ADAM9: variants seen among roughly 807,000 people sequenced by gnomAD.
The protein encoded by ADAM9 is disintegrin and metalloproteinase domain-containing protein 9.
ADAM9 carries 54 observed loss-of-function variants against 108.1 expected under a neutral mutation model. The observed-to-expected ratio is 0.50, with a 90% CI of 0.40 to 0.63. The LOEUF (loss-of-function observed/expected upper bound fraction) is 0.63. Among genes scored for constraint, ADAM9 ranks in the 20% least tolerant of loss-of-function variants. ADAM9 has a pLI of 0.00. For synonymous variants in ADAM9, 316 were observed against 336.0 expected, an observed-to-expected ratio of 0.94 and a Z score of 0.65; for missense variants, 830 against 997.7, an observed-to-expected ratio of 0.83 and a Z score of 2.26.
chr8:39,045,447 CACACACCTATATGTGCGT>C (rs1564301967), intron 12 of ADAM9, among the ~76,000 whole-genome samples: 1 of 30,064 alleles, frequency 3.3e-5, no homozygotes, highest in African/African-American at 9.2e-5. Flanking sequence ...CGCGTGTGTA[CACACACCTATATGTGCGT>C]GTGTGTACAC....
chr8:39,083,119 G>A, intron 18 of ADAM9, 46 bp downstream of exon 18: 1 of 1,481,088 alleles, frequency 6.8e-7, no homozygotes, highest in Non-Finnish European at 9.4e-7. Context: ...AGTGGCCCAA[G>A]GCATAAATTG....
intron 12 of ADAM9, among the ~76,000 whole-genome samples, chr8:39,044,426 T>G (rs1366463967): frequency 6.6e-6 from 1 of 152,218 alleles, no homozygotes; most frequent in Non-Finnish European, 1.5e-5. Flanking sequence ...TTCTTTATTC[T>G]GTTCCATTGG....
At chr8:39,038,788 GTCTT>G (rs765466427) in intron 11 of ADAM9, among the ~76,000 whole-genome samples, 1 of 152,176 alleles carries the variant, frequency 6.6e-6, no homozygotes, top group East Asian at 1.9e-4. Context: ...AGGAAGACAA[GTCTT>G]TCTGTTATTG....
At chr8:39,063,054 T>A (rs1219911475) in intron 14 of ADAM9, among the ~76,000 whole-genome samples, 1 of 152,230 alleles carries the variant, frequency 6.6e-6, no homozygotes, top group Non-Finnish European at 1.5e-5. Context: ...GCAGACTGTC[T>A]GCTTCGTGAG....
chr8:39,099,144 G>A (rs1307706047), intron 20 of ADAM9, among the ~76,000 whole-genome samples: 1 of 152,008 alleles, frequency 6.6e-6, no homozygotes, highest in Non-Finnish European at 1.5e-5. Flanking sequence ...AACCCATGGG[G>A]ATACCACCCT....
At chr8:39,096,124 G>T (rs1839494860) in intron 20 of ADAM9, among the ~76,000 whole-genome samples, 2 of 125,830 alleles carry the variant, frequency 1.6e-5, no homozygotes, top group East Asian at 3.0e-4. Context: ...ATCACATGGG[G>T]TACATGTGAT....
intron 11 of ADAM9, among the ~76,000 whole-genome samples, chr8:39,041,335 C>T (rs1016668578): frequency 2.6e-5 from 4 of 152,168 alleles, no homozygotes; most frequent in Non-Finnish European, 5.9e-5. Flanking sequence ...AAAGTACTAA[C>T]CACGGTTCCC....
intron 12 of ADAM9, among the ~76,000 whole-genome samples, chr8:39,053,347 A>G (rs906558827): frequency 6.6e-6 from 1 of 152,108 alleles, no homozygotes; most frequent in Non-Finnish European, 1.5e-5. Context: ...ATAAACTTGT[A>G]ATTTTATCGG....
intron 12 of ADAM9, among the ~76,000 whole-genome samples, chr8:39,045,297 C>CA (rs1837668996): frequency 2.0e-5 from 2 of 100,458 alleles, no homozygotes; most frequent in African/African-American, 8.5e-5. Flanking sequence ...TGTGTGTACA[C>CA]CTATACATGT....
At chr8:39,095,835 A>G (rs942264596) in intron 20 of ADAM9, among the ~76,000 whole-genome samples, 1 of 152,128 alleles carries the variant, frequency 6.6e-6, no homozygotes, top group Admixed American at 6.5e-5. Flanking sequence ...CAGTTGTTAT[A>G]TCCTTGTGAT....
chr8:39,057,778 C>T (rs1363188185), intron 14 of ADAM9, among the ~76,000 whole-genome samples: 2 of 152,154 alleles, frequency 1.3e-5, no homozygotes, highest in South Asian at 2.1e-4. Context: ...GTCTGCTTTA[C>T]TCATCCTACT....
intron 3 of ADAM9, among the ~76,000 whole-genome samples, chr8:39,013,049 T>G (rs1400551711): frequency 6.6e-6 from 1 of 152,148 alleles, no homozygotes; most frequent in African/African-American, 2.4e-5. Flanking sequence ...ATTACATCTC[T>G]GACTTGTCCA....
At chr8:39,054,722 T>C in intron 13 of ADAM9, 149 bp downstream of exon 13, 1 of 648,522 alleles carries the variant, frequency 1.5e-6, no homozygotes, top group African/African-American at 1.8e-5. Context: ...TTGTGTATAA[T>C]TTTAAAGCAC....
chr8:39,066,833 A>G (rs1025677273), intron 14 of ADAM9, among the ~76,000 whole-genome samples: 2 of 152,196 alleles, frequency 1.3e-5, no homozygotes, highest in Non-Finnish European at 2.9e-5. Context: ...GCCCATGCCT[A>G]TGTCCTGAAT....
intron 1 of ADAM9, among the ~76,000 whole-genome samples, chr8:39,000,060 T>C (rs1835947603): frequency 6.6e-6 from 1 of 152,114 alleles, no homozygotes; most frequent in Non-Finnish European, 1.5e-5. Context: ...AGTCTTGCTG[T>C]GTCGCCCAGG....
Position 39,014,365 on chromosome 8 carries a change from A to G in ADAM9, c.333+322A>G, listed in dbSNP as rs1038864705. ...TTTCTGATTTTTTTGTTGAAAGTTA[A>G]TATCTCTAAAAGTGCACTTATTAAA... On this transcript the variant is annotated intron_variant, in intron 4 of 21. Transcript: ENST00000487273. 2.8e-5 allele frequency: 15 copies of G among 541,788 alleles called. No individual in the cohort carries two copies. In the East Asian group the frequency reaches 3.5e-4, roughly 13 times the overall value. The allele number at this position is 541,788 out of a possible 1,614,324, so 33.6% of individuals were successfully genotyped here.
At position 39,017,312 on chromosome 8, in the gene ADAM9, C is replaced by T. The variant is rs886062922; in HGVS notation, c.504C>T (p.Val168=). ...ACATCATTTATCGAATGGATGATGT[C>T]TACAAAGAGCCTCTGAAATGTGGAG... is the stretch of plus-strand genomic sequence containing the variant. The part of the protein sequence containing the change: ...FEHIIYRMDD[V]YKEPLKCGVS... Residue 168 remains valine (V), a synonymous_variant, in exon 6 of 22, where the codon GTC becomes GTT. Coordinates refer to ENST00000487273, the MANE Select transcript of ADAM9 (RefSeq NM_003816.3). 87 of 1,613,880 alleles carry T rather than the reference C, an allele frequency of 5.4e-5. No individual in the cohort carries two copies. The highest frequency in any genetic ancestry group is 7.0e-5 in the Non-Finnish European group (83 of 1,180,010).
intron 2 of ADAM9, 87 bp downstream of exon 2, chr8:39,008,070 G>A: frequency 1.1e-6 from 1 of 944,752 alleles, no homozygotes; most frequent in Non-Finnish European, 1.7e-6. Flanking sequence ...GCAGTGATCA[G>A]TTCAGTGAGT....
At chr8:39,092,252 C>CT (rs1240891548) in intron 20 of ADAM9, among the ~76,000 whole-genome samples, 1 of 152,044 alleles carries the variant, frequency 6.6e-6, no homozygotes, top group Admixed American at 6.6e-5. Flanking sequence ...TGATTTATCT[C>CT]TATCGATAGA....
Sources: gnomAD v4.1 joint callset for allele counts (sites outside exome capture counted in the v4.1 genomes callset) on GRCh38, gnomAD v4.1.1 for gene constraint, MANE v1.5 for transcripts, NCBI Gene and HGNC (gene_info 2026-07-23, HGNC 2026-07-21) for gene names.